Variants in GRM8 observed in about 807,000 individuals in gnomAD.
The protein encoded by GRM8 is glutamate metabotropic receptor 8.
In GRM8, 47 loss-of-function variants were observed where a neutral mutation model predicts 87.2. That is an observed-to-expected ratio of 0.54 (90% CI 0.43 to 0.69). The LOEUF (loss-of-function observed/expected upper bound fraction) is 0.69, where lower values mean the gene tolerates loss of function less well. Among genes scored for constraint, GRM8 ranks in the 30% least tolerant of loss-of-function variants. The pLI, the probability that GRM8 is intolerant of heterozygous loss-of-function variation, is 0.00. For missense variants in GRM8, 1,019 were observed against 1,139.2 expected, an observed-to-expected ratio of 0.89 and a Z score of 1.52; for synonymous variants, 396 against 404.5, an observed-to-expected ratio of 0.98 and a Z score of 0.25.
intron 7 of GRM8, among the ~76,000 whole-genome samples, chr7:126,656,237 C>G (rs1804513714): frequency 6.6e-6 from 1 of 152,198 alleles, no homozygotes; most frequent in South Asian, 2.1e-4. Context: ...CCCACACATC[C>G]TTTCCTTCTG....
At chr7:126,868,042 G>A (rs148452671) in intron 6 of GRM8, among the ~76,000 whole-genome samples, 109 of 152,316 alleles carry the variant, frequency 7.2e-4, no homozygotes, top group African/African-American at 2.6e-3. Context: ...CATAGAGCTT[G>A]GCTGGTACCC....
At chr7:126,622,350 G>A (rs1332491828) in intron 7 of GRM8, among the ~76,000 whole-genome samples, 2 of 151,768 alleles carry the variant, frequency 1.3e-5, no homozygotes, top group Non-Finnish European at 1.5e-5. Flanking sequence ...TTTCCCCCTC[G>A]CTTCTAGGTA....
intron 3 of GRM8, among the ~76,000 whole-genome samples, chr7:126,970,478 T>C (rs1810307741): frequency 6.6e-6 from 1 of 152,168 alleles, no homozygotes; most frequent in African/African-American, 2.4e-5. Flanking sequence ...CTTCTTCACC[T>C]CTCTCCCTTC....
chr7:126,636,137 T>C (rs1019839251), intron 7 of GRM8, among the ~76,000 whole-genome samples: 1 of 152,164 alleles, frequency 6.6e-6, no homozygotes, highest in Non-Finnish European at 1.5e-5. Flanking sequence ...GCATTCTGAT[T>C]TAAATGCCTT....
At chr7:126,706,546 A>T (rs1810546447) in intron 7 of GRM8, among the ~76,000 whole-genome samples, 1 of 152,172 alleles carries the variant, frequency 6.6e-6, no homozygotes. Context: ...CCATAACATT[A>T]GGAAGAGTAG....
At chr7:127,108,679 T>C (rs2133100248) in intron 2 of GRM8, among the ~76,000 whole-genome samples, 1 of 152,300 alleles carries the variant, frequency 6.6e-6, no homozygotes, top group East Asian at 1.9e-4. Context: ...CTCAAATTAC[T>C]ACCTTCAGTC....
intron 9 of GRM8, among the ~76,000 whole-genome samples, chr7:126,470,446 T>G (rs1037555227): frequency 1.3e-5 from 2 of 150,514 alleles, no homozygotes; most frequent in African/African-American, 4.9e-5. Flanking sequence ...CAGTGTTTGG[T>G]TTTTTGTCCT....
At chr7:126,934,535 C>T (rs1205703742) in intron 3 of GRM8, among the ~76,000 whole-genome samples, 1 of 152,150 alleles carries the variant, frequency 6.6e-6, no homozygotes, top group Admixed American at 6.6e-5. Context: ...TGAGATTACA[C>T]TTAAGGGTCA....
At chr7:127,007,429 C>A (rs1407976920) in intron 3 of GRM8, among the ~76,000 whole-genome samples, 1 of 150,550 alleles carries the variant, frequency 6.6e-6, no homozygotes, top group Non-Finnish European at 1.5e-5. Context: ...AAACATGTTA[C>A]CCCTTAGGGA....
intron 3 of GRM8, among the ~76,000 whole-genome samples, chr7:127,044,794 G>T (rs1406091265): frequency 2.6e-5 from 4 of 152,114 alleles, no homozygotes; most frequent in Non-Finnish European, 4.4e-5. Context: ...CAGTGGGTCA[G>T]GCAACAACAT....
At chr7:127,156,885 T>C (rs1375793249) in intron 2 of GRM8, among the ~76,000 whole-genome samples, 1 of 152,126 alleles carries the variant, frequency 6.6e-6, no homozygotes, top group African/African-American at 2.4e-5. Flanking sequence ...AACAACTTCC[T>C]AGATGGAATA....
Position 126,832,550 on chromosome 7 carries a change from C to T in GRM8, c.1157-62485G>A, listed in dbSNP as rs1243971255. ...TTCTATACTACAATTAATATGTTTG[C>T]CTACTTTTTAAAAATTGTTTAACCT... On this transcript the variant is annotated intron_variant, in intron 6 of 10. Coordinates refer to ENST00000339582, the MANE Select transcript of GRM8 (RefSeq NM_000845.3). Among the ~76,000 whole-genome samples, 4 of 152,058 alleles carry T rather than the reference C, an allele frequency of 2.6e-5. No homozygotes were observed. The East Asian group carries it at 7.7e-4, about 29-fold the overall frequency.
chr7:126,652,726 C>T (rs1473117816), intron 7 of GRM8, among the ~76,000 whole-genome samples: 2 of 152,178 alleles, frequency 1.3e-5, no homozygotes, highest in African/African-American at 4.8e-5. Flanking sequence ...TCTCAACTTG[C>T]AGACAGCCTA....
At chr7:127,096,465 TAGG>T (rs1824665093) in intron 3 of GRM8, among the ~76,000 whole-genome samples, 2 of 151,332 alleles carry the variant, frequency 1.3e-5, no homozygotes, top group Admixed American at 6.6e-5. Flanking sequence ...GAGACTGAGG[TAGG>T]AGAATCGCTT....
chr7:127,027,733 T>C (rs1816930208), intron 3 of GRM8, among the ~76,000 whole-genome samples: 1 of 152,238 alleles, frequency 6.6e-6, no homozygotes, highest in Non-Finnish European at 1.5e-5. Context: ...GATTTTGGGC[T>C]GAGACTATGG....
chr7:126,626,101 AGTGTGT>A (rs71312854), intron 7 of GRM8, among the ~76,000 whole-genome samples: 26 of 148,838 alleles, frequency 1.7e-4, no homozygotes, highest in South Asian at 1.3e-3. Context: ...ATATGAGAGA[AGTGTGT>A]GTGTGTGTGT....
intron 3 of GRM8, among the ~76,000 whole-genome samples, chr7:126,934,929 G>A (rs922192212): frequency 3.3e-5 from 5 of 152,156 alleles, no homozygotes; most frequent in South Asian, 4.1e-4. Flanking sequence ...ATAGGGAGAT[G>A]AACGTTTTAA....
intron 3 of GRM8, among the ~76,000 whole-genome samples, chr7:127,014,074 G>A (rs951586056): frequency 6.6e-6 from 1 of 152,100 alleles, no homozygotes; most frequent in African/African-American, 2.4e-5. Flanking sequence ...TGTGCAGTGA[G>A]GATAATCAGA....
intron 6 of GRM8, among the ~76,000 whole-genome samples, chr7:126,774,986 T>TA (rs1248269112): frequency 6.6e-6 from 1 of 152,084 alleles, no homozygotes; most frequent in Non-Finnish European, 1.5e-5. Flanking sequence ...TCAATTCAAG[T>TA]AAAAAACAAA....
Sources: allele counts gnomAD v4.1 joint callset (sites outside exome capture counted in the v4.1 genomes callset), GRCh38; gene constraint gnomAD v4.1.1; transcripts MANE v1.5; gene names NCBI Gene and HGNC (gene_info 2026-07-23, HGNC 2026-07-21).